Variants in CSMD3 observed in about 807,000 individuals in gnomAD.
The protein encoded by CSMD3 is CUB and sushi domain-containing protein 3.
Under a neutral mutation model 435.2 loss-of-function variants are expected in CSMD3, and 177 were observed. The ratio of observed to expected loss-of-function variants is 0.41; its 90% confidence interval spans 0.36 to 0.46. The LOEUF is 0.46. Ranked by LOEUF, CSMD3 falls within the 20% of genes least tolerant of loss-of-function variation. CSMD3 has a pLI of 0.34. For missense variants in CSMD3, 4,265 were observed against 4,504.6 expected (o/e 0.95, Z 1.52); for synonymous variants, 1,656 against 1,520.5 (o/e 1.09, Z -2.07).
chr8:113,400,133 T>G (rs1361673563), intron 1 of CSMD3, among the ~76,000 whole-genome samples: 1 of 151,982 alleles, frequency 6.6e-6, no homozygotes, highest in East Asian at 1.9e-4. Flanking sequence ...AAATGTTCAT[T>G]AGTAAATAAA....
chr8:113,399,106 T>TATATATATATACACAC lies in CSMD3; in HGVS notation c.178+37570_178+37571insGTGTGTATATATATAT, dbSNP rs773585004. On this transcript the variant is annotated intron_variant, in intron 1 of 70. Transcript: ENST00000297405. ...ATATATATATATATATATATATATA[T>TATATATATATACACAC]ACACACACACACACACACTATATAT... 5.3e-3 allele frequency among the ~76,000 whole-genome samples: 505 copies of TATATATATATACACAC among 94,990 alleles called. 2 individuals carry two copies. The highest frequency in any genetic ancestry group is 6.7e-3 in the Non-Finnish European group (342 of 51,194). The allele number at this position is 94,990 out of a possible 152,430, so 62.3% of individuals were successfully genotyped here. A position where few individuals can be genotyped will look rare whatever the true frequency, so the allele number is the denominator to read the frequency against.
intron 3 of CSMD3, among the ~76,000 whole-genome samples, chr8:113,230,076 A>G (rs890427384): frequency 2.0e-5 from 3 of 151,654 alleles, no homozygotes. Context: ...CATGTCTGAA[A>G]GATGCTGAGA....
chr8:112,434,732 C>T (rs1814124711), intron 32 of CSMD3, among the ~76,000 whole-genome samples: 1 of 152,060 alleles, frequency 6.6e-6, no homozygotes, highest in Non-Finnish European at 1.5e-5. Context: ...CACAAGGATA[C>T]ATTGTTTTAT....
At position 112,550,770 on chromosome 8, in the gene CSMD3, G is replaced by A. The variant is rs373429247; in HGVS notation, c.4465C>T (p.Leu1489Phe). The A allele has an allele frequency of 2.5e-6, 4 of 1,602,722 alleles. No individual in the cohort carries two copies. The African/African-American group carries it at 5.4e-5, about 21-fold the overall frequency. ...GTGCTATGAATTCCTTCAGGAATAA[G>A]AGATCCACTAATTTCCTTTAAAAGC... ...DMLLKEISGS[L>F]IPEGIHSTLN... The change falls in exon 27 of 71, where the codon CTT becomes TTT. Residue 1489 changes from leucine (L) to phenylalanine (F), a missense_variant. Coordinates refer to ENST00000297405, the MANE Select transcript of CSMD3 (RefSeq NM_198123.2).
At chr8:112,382,315 T>C (rs1268548175) in intron 37 of CSMD3, among the ~76,000 whole-genome samples, 1 of 129,314 alleles carries the variant, frequency 7.7e-6, no homozygotes, top group African/African-American at 2.6e-5. Context: ...AAATTAATAA[T>C]ACTACTAATA....
intron 32 of CSMD3, among the ~76,000 whole-genome samples, chr8:112,420,654 G>A (rs926622607): frequency 6.6e-6 from 1 of 151,998 alleles, no homozygotes; most frequent in African/African-American, 2.4e-5. Context: ...GACTAAAATA[G>A]GATAAAACTC....
chr8:112,393,840 A>G (rs954376145), intron 35 of CSMD3, among the ~76,000 whole-genome samples: 3 of 151,966 alleles, frequency 2.0e-5, no homozygotes, highest in Admixed American at 6.6e-5. Context: ...TGAACATCAG[A>G]ACACCATACT....
At chr8:113,041,890 G>T (rs1018587736) in intron 5 of CSMD3, among the ~76,000 whole-genome samples, 11 of 152,130 alleles carry the variant, frequency 7.2e-5, no homozygotes, top group African/African-American at 2.7e-4. Flanking sequence ...AGTAGGAGAT[G>T]AGATATTGAT....
intron 63 of CSMD3, among the ~76,000 whole-genome samples, chr8:112,253,734 C>T (rs535559188): frequency 2.1e-4 from 32 of 152,096 alleles, no homozygotes; most frequent in African/African-American, 7.5e-4. Flanking sequence ...TGTAACAATT[C>T]AACTATGTGT....
Position 113,278,641 on chromosome 8 carries a change from C to T in CSMD3, c.465G>A (p.Leu155=), listed in dbSNP as rs2132459002. The change falls in exon 3 of 71, where the codon TTG becomes TTA. Residue 155 remains leucine, a synonymous_variant. Coordinates refer to ENST00000297405, the MANE Select transcript of CSMD3 (RefSeq NM_198123.2). The stretch of plus-strand genomic sequence containing the variant: ...GAGCACTAACTGCAAAATCACTGGT[C>T]AAACGTAGTGAGAACACAGATTTGG... ...TSTKSVFSLR[L]TSDFAVSAHG... is the part of the protein sequence containing the mutation. The T allele has an allele frequency of 6.2e-7, 1 of 1,605,124 alleles. No homozygotes were observed. The highest frequency in any genetic ancestry group is 8.5e-7 in the Non-Finnish European group (1 of 1,172,318).
intron 9 of CSMD3, among the ~76,000 whole-genome samples, chr8:112,945,614 G>A (rs868405911): frequency 1.7e-4 from 26 of 149,272 alleles, no homozygotes; most frequent in African/African-American, 5.4e-4. Flanking sequence ...GTGTGTGTGT[G>A]TGTGTGTGTG....
At chr8:113,113,281 A>T (rs2090719896) in intron 4 of CSMD3, among the ~76,000 whole-genome samples, 1 of 152,220 alleles carries the variant, frequency 6.6e-6, no homozygotes, top group African/African-American at 2.4e-5. Context: ...TAGTCATATT[A>T]GGAGCAGTAA....
rs2129990355 is a variant in CSMD3 at position 112,237,244 on chromosome 8, T to A, written c.10573A>T (p.Thr3525Ser). 2 of 1,613,626 alleles carry A rather than the reference T, an allele frequency of 1.2e-6. No individual in the cohort carries two copies. Residue 3525 changes from threonine (T) to serine (S), a missense_variant, in exon 67 of 71, where the codon ACT becomes TCT. Around this residue, in one of 3 missense-constraint regions of CSMD3, gnomAD observed 3,255 missense variants for 3,380.2 expected, o/e 0.96. Coordinates refer to ENST00000297405, the MANE Select transcript of CSMD3 (RefSeq NM_198123.2). Reference sequence around the variant, plus strand: ...CTCAGTGTTGCGTTAACTCTCCCAGTGGAAGCATTGAAACTAGTAACTGTT... The same window carrying A: ...CTCAGTGTTGCGTTAACTCTCCCAGAGGAAGCATTGAAACTAGTAACTGTT... ...TLTVTSFNAS[T>S]GRVNATLSNS...
chr8:112,906,917 T>C (rs1313393986), intron 10 of CSMD3, among the ~76,000 whole-genome samples: 1 of 151,544 alleles, frequency 6.6e-6, no homozygotes, highest in African/African-American at 2.4e-5. Context: ...CCTCAAACCA[T>C]CTAGGGTACG....
At chr8:112,551,170 A>G (rs972335621) in intron 26 of CSMD3, among the ~76,000 whole-genome samples, 1 of 152,082 alleles carries the variant, frequency 6.6e-6, no homozygotes, top group Non-Finnish European at 1.5e-5. Context: ...ACATTTATAG[A>G]TAATCTTCTA....
chr8:112,375,388 A>G (rs1199052271), intron 38 of CSMD3, among the ~76,000 whole-genome samples: 1 of 152,110 alleles, frequency 6.6e-6, no homozygotes, highest in Admixed American at 6.6e-5. Context: ...TAAATGCTTA[A>G]ATTACAACTA....
At chr8:112,414,968 G>A (rs770840499) in intron 32 of CSMD3, among the ~76,000 whole-genome samples, 2 of 152,152 alleles carry the variant, frequency 1.3e-5, no homozygotes, top group Non-Finnish European at 2.9e-5. Flanking sequence ...TCAAGTGGAA[G>A]CAGAGCATAA....
chr8:112,351,904 C>A (rs961310655), intron 39 of CSMD3, among the ~76,000 whole-genome samples: 2 of 151,404 alleles, frequency 1.3e-5, no homozygotes, highest in Non-Finnish European at 1.5e-5. Context: ...CAAAAAAAAT[C>A]AAAAAAGATC....
At chr8:113,027,716 C>T (rs2086927476) in intron 5 of CSMD3, among the ~76,000 whole-genome samples, 1 of 152,032 alleles carries the variant, frequency 6.6e-6, no homozygotes, top group African/African-American at 2.4e-5. Context: ...CTTTCCTTCT[C>T]CCCTTTTACT....
Sources: allele counts gnomAD v4.1 joint callset (sites outside exome capture counted in the v4.1 genomes callset), GRCh38; gene constraint gnomAD v4.1.1; regional missense constraint gnomAD v4.1.1; transcripts MANE v1.5; gene names NCBI Gene and HGNC (gene_info 2026-07-23, HGNC 2026-07-21).